ACSM3: variants seen among roughly 807,000 people sequenced by gnomAD.
ACSM3 encodes the protein acyl-coenzyme A synthetase ACSM3, mitochondrial.
In ACSM3, 61 loss-of-function variants were observed where a neutral mutation model predicts 74.1. The observed-to-expected ratio is 0.82, with a 90% CI of 0.67 to 1.02. ACSM3 has a LOEUF of 1.02. ACSM3 is among the 50% of genes least tolerant of loss of function. The pLI is 0.00. For synonymous variants in ACSM3, 213 were observed against 241.5 expected (o/e 0.88, Z 1.09); for missense variants, 660 against 697.0 (o/e 0.95, Z 0.60).
rs1046116932 is a variant in ACSM3 at position 20,795,270 on chromosome 16, C to T, written c.1555-1100C>T. On this transcript the variant is annotated intron_variant, in intron 12 of 13. Coordinates refer to ENST00000289416, the MANE Select transcript of ACSM3 (RefSeq NM_005622.4). ...TCCTGGGCTCAAGCAATCCTCCCACCTCGGCCTCCCAAATGTTGGCAGTAC... is the reference window on the plus strand; with the variant it reads ...TCCTGGGCTCAAGCAATCCTCCCACTTCGGCCTCCCAAATGTTGGCAGTAC... Among the ~76,000 whole-genome samples the T allele has an allele frequency of 7.9e-5, 12 of 152,216 alleles. 1 individual carries two copies. Among genetic ancestry groups the T allele is most frequent in the Non-Finnish European group, 1.8e-4 (12 of 68,042 alleles).
intron 1 of ACSM3, among the ~76,000 whole-genome samples, chr16:20,742,814 T>TATATATATATATATATATA (rs1555483507): frequency 9.7e-5 from 5 of 51,782 alleles, no homozygotes; most frequent in African/African-American, 2.5e-4. Context: ...TATATATATA[T>TATATATATATATATATATA]TTTTTTTTTT....
At chr16:20,786,253 G>A in intron 9 of ACSM3, 95 bp downstream of exon 9, 1 of 1,483,700 alleles carries the variant, frequency 6.7e-7, no homozygotes, top group Non-Finnish European at 9.0e-7. Flanking sequence ...TTGTTATGAT[G>A]GTGATTCCAT....
At chr16:20,702,590 G>C (rs1475700327) in intron 1 of ACSM3, among the ~76,000 whole-genome samples, 1 of 152,070 alleles carries the variant, frequency 6.6e-6, no homozygotes, top group Non-Finnish European at 1.5e-5. Context: ...TCAAATGTTT[G>C]TTGGCTGAAT....
chr16:20,743,766 A>T (rs2079946643), intron 1 of ACSM3: 1 of 152,216 alleles, frequency 6.6e-6, no homozygotes, highest in Non-Finnish European at 1.5e-5. Context: ...GTTTGTGAAG[A>T]GCAGTGTCAT....
chr16:20,689,903 C>T (rs2079622012), intron 1 of ACSM3, among the ~76,000 whole-genome samples: 2 of 152,170 alleles, frequency 1.3e-5, no homozygotes, highest in African/African-American at 4.8e-5. Flanking sequence ...CCCTGCTCTC[C>T]CACTTATTAG....
intron 10 of ACSM3, chr16:20,791,044 G>T: frequency 9.0e-7 from 1 of 1,110,480 alleles, no homozygotes; most frequent in Non-Finnish European, 1.3e-6. Flanking sequence ...AGAGTGAGAG[G>T]GACAGGGGAT....
chr16:20,743,749 C>G (rs1394370822), intron 1 of ACSM3: 1 of 152,092 alleles, frequency 6.6e-6, no homozygotes, highest in African/African-American at 2.4e-5. Context: ...TCTAGAAGTC[C>G]TCAGTTGTTT....
At chr16:20,728,558 C>G (rs1422643198) in intron 1 of ACSM3, 7 of 546,954 alleles carry the variant, frequency 1.3e-5, no homozygotes, top group Non-Finnish European at 2.2e-5. Context: ...TCCACCATGT[C>G]TTGCTATGTA....
chr16:20,736,972 T>C (rs2079875009), intron 1 of ACSM3: 1 of 1,614,056 alleles, frequency 6.2e-7, no homozygotes, highest in South Asian at 1.1e-5. Flanking sequence ...ACCTGTGGAT[T>C]AGACGTTGGT....
At chr16:20,685,821 A>G (rs2079539530) in intron 1 of ACSM3, among the ~76,000 whole-genome samples, 1 of 114,896 alleles carries the variant, frequency 8.7e-6, no homozygotes, top group Non-Finnish European at 1.9e-5. Flanking sequence ...CTCCGTCTCA[A>G]AAAAAAAAAA....
At chr16:20,741,166 A>G (rs3785081) in intron 1 of ACSM3, among the ~76,000 whole-genome samples, 94,053 of 152,046 alleles carry the variant, frequency 0.62, 30,237 homozygotes, top group Non-Finnish European at 0.72. Context: ...GGAGGCTGAG[A>G]CAGGAGAAGT....
At position 20,775,925 on chromosome 16, in the gene ACSM3, T is replaced by C. The variant is rs1400370010; in HGVS notation, c.306T>C (p.Ser102=). 3 of 1,614,198 alleles carry C rather than the reference T, an allele frequency of 1.9e-6. No individual in the cohort carries two copies. Among genetic ancestry groups the C allele is most frequent in the South Asian group, 2.2e-5 (2 of 91,082 alleles). ...GATGGAGTTTTGAGGAACTGGGATC[T>C]CTGTCCAGAAAATTTGCCAATATAC... is the stretch of plus-strand genomic sequence containing the variant. ...EMRWSFEELG[S]LSRKFANILS... Residue 102 remains serine (S), a synonymous_variant, in exon 3 of 14, where the codon TCT becomes TCC. Transcript: ENST00000289416.
intron 1 of ACSM3, among the ~76,000 whole-genome samples, chr16:20,713,778 G>T (rs1050614645): frequency 1.7e-4 from 26 of 152,050 alleles, no homozygotes; most frequent in African/African-American, 5.8e-4. Flanking sequence ...ATATTTTGGG[G>T]GTAGTTTTCA....
intron 1 of ACSM3, chr16:20,735,843 T>A (rs1228698055): frequency 6.6e-6 from 1 of 152,204 alleles, no homozygotes; most frequent in Non-Finnish European, 1.5e-5. Flanking sequence ...GTAAATCAAC[T>A]TATTGAGAAT....
intron 1 of ACSM3, among the ~76,000 whole-genome samples, chr16:20,743,300 C>T (rs934207859): frequency 6.6e-6 from 1 of 152,092 alleles, no homozygotes; most frequent in African/African-American, 2.4e-5. Flanking sequence ...CAAAAGGCTT[C>T]CAGTAAATTC....
chr16:20,717,956 G>GAA (rs2079769244), intron 1 of ACSM3, among the ~76,000 whole-genome samples: 4 of 74,454 alleles, frequency 5.4e-5, no homozygotes, highest in Admixed American at 3.4e-4. Context: ...AAGAGGAAGA[G>GAA]GAAGAAGAAG....
intron 1 of ACSM3, chr16:20,729,403 G>GAGCTCTCCTACTGGAGGA: frequency 9.7e-7 from 1 of 1,033,140 alleles, no homozygotes; most frequent in Non-Finnish European, 1.5e-6. Flanking sequence ...GACAGGGGGG[G>GAGCTCTCCTACTGGAGGA]AGCTCTCCTA....
At chr16:20,706,437 C>A (rs183217180) in intron 1 of ACSM3, among the ~76,000 whole-genome samples, 57 of 152,312 alleles carry the variant, frequency 3.7e-4, no homozygotes, top group African/African-American at 1.3e-3. Context: ...GGTAGTCCCC[C>A]ACTCACATTC....
At chr16:20,795,805 G>C (rs1386511599) in intron 12 of ACSM3, among the ~76,000 whole-genome samples, 3 of 152,154 alleles carry the variant, frequency 2.0e-5, no homozygotes, top group Admixed American at 6.5e-5. Flanking sequence ...CTTTTAAAGG[G>C]GGCTATGAGG....
Sources: gnomAD v4.1 joint callset for allele counts (sites outside exome capture counted in the v4.1 genomes callset) on GRCh38, gnomAD v4.1.1 for gene constraint, MANE v1.5 for transcripts, NCBI Gene and HGNC (gene_info 2026-07-23, HGNC 2026-07-21) for gene names.